SPICE1: variants seen among roughly 807,000 people sequenced by gnomAD.
The protein encoded by SPICE1 is spindle and centriole associated protein 1.
A neutral mutation model predicts 102.7 loss-of-function variants in SPICE1; 75 were observed. The ratio of observed to expected loss-of-function variants is 0.73; its 90% CI spans 0.61 to 0.88. SPICE1 has a LOEUF of 0.88. Among genes scored for constraint, SPICE1 ranks in the 40% least tolerant of loss-of-function variants. SPICE1 has a pLI of 0.00. For missense variants in SPICE1, 979 were observed against 1,020.1 expected (o/e 0.96, Z 0.55); for synonymous variants, 308 against 350.3 (o/e 0.88, Z 1.35).
chr3:113,510,531 C>T (rs569059300), intron 1 of SPICE1, among the ~76,000 whole-genome samples: 1 of 152,206 alleles, frequency 6.6e-6, no homozygotes, highest in East Asian at 1.9e-4. Context: ...AAAGGATTCC[C>T]TACTTAATAG....
At position 113,457,831 on chromosome 3, in the gene SPICE1, T is replaced by C. The variant is rs1013990717; in HGVS notation, c.1436-474A>G. 8.0e-4 allele frequency among the ~76,000 whole-genome samples: 121 copies of C among 152,132 alleles called. 2 individuals are homozygous for C. Among genetic ancestry groups the C allele is most frequent in the Admixed American group, 7.9e-3 (121 of 15,282 alleles). ...GCACCATCACACCCAGCTAATTTTT[T>C]GTATTCGTTGTAAAGACGGGGTTCA... On this transcript the variant is annotated intron_variant, in intron 12 of 17. Coordinates refer to ENST00000295872, the MANE Select transcript of SPICE1 (RefSeq NM_144718.4).
At chr3:113,456,884 G>A (rs1346987300) in intron 13 of SPICE1, among the ~76,000 whole-genome samples, 2 of 152,132 alleles carry the variant, frequency 1.3e-5, no homozygotes, top group East Asian at 3.9e-4. Context: ...TAATGCTAAG[G>A]ACTCTGATCT....
At chr3:113,471,522 G>A (rs187084878) in intron 7 of SPICE1, among the ~76,000 whole-genome samples, 3 of 152,280 alleles carry the variant, frequency 2.0e-5, no homozygotes, top group Non-Finnish European at 1.5e-5. Flanking sequence ...CGTTGGCCTA[G>A]TGAAACTGAT....
chr3:113,496,523 T>G (rs1559974171), intron 4 of SPICE1, among the ~76,000 whole-genome samples: 1 of 152,200 alleles, frequency 6.6e-6, no homozygotes, highest in Non-Finnish European at 1.5e-5. Flanking sequence ...TTAGGAGTTA[T>G]TACATTTTGG....
intron 11 of SPICE1, among the ~76,000 whole-genome samples, chr3:113,464,545 G>A (rs576382146): frequency 7.2e-5 from 11 of 152,222 alleles, no homozygotes; most frequent in Non-Finnish European, 1.3e-4. Flanking sequence ...GTGAGCCACT[G>A]CGCCTCGCCC....
intron 7 of SPICE1, among the ~76,000 whole-genome samples, chr3:113,482,866 T>C (rs1200551211): frequency 6.6e-6 from 1 of 152,216 alleles, no homozygotes; most frequent in East Asian, 1.9e-4. Flanking sequence ...TCTTTTTGCT[T>C]AGGATTGTCT....
chr3:113,468,655 G>A, intron 9 of SPICE1, 107 bp downstream of exon 9: 2 of 1,317,616 alleles, frequency 1.5e-6, no homozygotes, highest in Non-Finnish European at 2.1e-6. Flanking sequence ...ACTTTCAGTT[G>A]GAACCATGTG....
At position 113,450,492 on chromosome 3, in the gene SPICE1, T is replaced by A. The variant is rs1426958851; in HGVS notation, c.2167A>T (p.Thr723Ser). 1 of 1,612,434 alleles carries A rather than the reference T, an allele frequency of 6.2e-7. No homozygotes were observed. The highest frequency in any genetic ancestry group is 1.7e-5 in the Admixed American group (1 of 59,760). ...TSTFPVAQSL[T>S]PGSMEERIAE... ...ATCCGTTCCTCCATACTACCTGGTG[T>A]TAGAGACTGTGCTACTGGAAAAGTC... Residue 723 changes from threonine to serine, a missense_variant, in exon 15 of 18, where the codon ACA becomes TCA. Thr to Ser is a moderately conservative substitution (Grantham distance 58). Coordinates refer to ENST00000295872, the MANE Select transcript of SPICE1 (RefSeq NM_144718.4).
chr3:113,473,556 A>C (rs564412738), intron 7 of SPICE1, among the ~76,000 whole-genome samples: 4 of 152,364 alleles, frequency 2.6e-5, no homozygotes, highest in South Asian at 4.1e-4. Context: ...GTTACTGACA[A>C]AGGGAAGACC....
chr3:113,445,267 A>G lies in SPICE1; in HGVS notation c.*40T>C, dbSNP rs759574107. On this transcript the variant is annotated 3_prime_UTR_variant, in exon 18 of 18. Transcript: ENST00000295872. ...AAGTCAGAGCAGGGAAAGGGAAGTA[A>G]TAAATTATTAAGAACAAACTCAGTG... 1.0e-5 allele frequency: 16 copies of G among 1,554,010 alleles called. No homozygotes were observed. The African/African-American group carries it at 2.0e-4, about 20-fold the overall frequency.
At chr3:113,514,757 G>T in intron 1 of SPICE1, 140 bp downstream of exon 1, 1 of 1,288,436 alleles carries the variant, frequency 7.8e-7, no homozygotes, top group Non-Finnish European at 1.0e-6. Flanking sequence ...CTGCTACACG[G>T]TGAACTCCCC....
intron 6 of SPICE1, among the ~76,000 whole-genome samples, chr3:113,491,349 G>GT (rs1936759862): frequency 6.6e-6 from 1 of 152,050 alleles, no homozygotes; most frequent in South Asian, 2.1e-4. Context: ...GGCCGGGCGT[G>GT]GTGGCTCACG....
chr3:113,473,467 A>T (rs1366366437), intron 7 of SPICE1, among the ~76,000 whole-genome samples: 1 of 152,170 alleles, frequency 6.6e-6, no homozygotes, highest in Non-Finnish European at 1.5e-5. Context: ...GAAGAGCAAC[A>T]CCAAGACGCA....
rs752639724 is a variant in SPICE1, at chr3:113,493,249, G to C, written c.449C>G (p.Pro150Arg). ...CTCATTAAAGATAGATTGGGTGATA[G>C]GGTCTTGATTTACCACAATGGGACC... ...SQGPIVVNQD[P>R]ITQSIFNESV... The change falls in exon 6 of 18, where the codon CCT becomes CGT. Residue 150 changes from proline to arginine, a missense_variant. Coordinates refer to ENST00000295872, the MANE Select transcript of SPICE1 (RefSeq NM_144718.4). The C allele has an allele frequency of 5.6e-6, 9 of 1,612,850 alleles. No homozygotes were observed. The highest frequency in any genetic ancestry group is 2.2e-5 in the South Asian group (2 of 90,898).
intron 7 of SPICE1, among the ~76,000 whole-genome samples, chr3:113,481,468 A>G (rs766738808): frequency 9.9e-5 from 15 of 151,314 alleles, no homozygotes; most frequent in African/African-American, 1.9e-4. Context: ...CAGAACGTGC[A>G]GTTTTGTTAC....
chr3:113,483,592 GT>G (rs1936572933), intron 7 of SPICE1, among the ~76,000 whole-genome samples: 1 of 152,140 alleles, frequency 6.6e-6, no homozygotes, highest in Admixed American at 6.5e-5. Flanking sequence ...ATGAAGGGGT[GT>G]TGAATTTTGT....
rs749270722 is a variant in SPICE1 at position 113,453,927 on chromosome 3, G to A, written c.1681C>T (p.Arg561Cys). 1.1e-5 allele frequency: 17 copies of A among 1,613,190 alleles called. No homozygotes were observed. The highest frequency in any genetic ancestry group is 8.0e-5 in the African/African-American group (6 of 74,962). The change falls in exon 14 of 18, where the codon CGT becomes TGT. Residue 561 changes from arginine (R) to cysteine (C), a missense_variant. Coordinates refer to ENST00000295872, the MANE Select transcript of SPICE1 (RefSeq NM_144718.4). ...GTTGGAGGAAGTCGTGGAGCAGGAC[G>A]AGTTTGAACAGTCCTTCTCAATACT... The part of the protein sequence containing the change: ...QDVLRRTVQT[R>C]PAPRLPPTVE...
intron 11 of SPICE1, among the ~76,000 whole-genome samples, chr3:113,461,916 C>A (rs1935942435): frequency 6.6e-6 from 1 of 152,132 alleles, no homozygotes; most frequent in Non-Finnish European, 1.5e-5. Flanking sequence ...TATCCAGTGG[C>A]CTACTCAACA....
intron 12 of SPICE1, among the ~76,000 whole-genome samples, chr3:113,457,747 C>T (rs11922708): frequency 0.01 from 1,524 of 152,268 alleles, 25 homozygotes; most frequent in African/African-American, 0.033. Context: ...AAGCCTCGAC[C>T]TCCCAGGCTC....
Sources: gnomAD v4.1 joint callset for allele counts (sites outside exome capture counted in the v4.1 genomes callset) on GRCh38, gnomAD v4.1.1 for gene constraint, MANE v1.5 for transcripts, NCBI Gene and HGNC (gene_info 2026-07-23, HGNC 2026-07-21) for gene names.